NRG3: variants seen among roughly 807,000 people sequenced by gnomAD.
The protein encoded by NRG3 is neuregulin 3.
Under a neutral mutation model 66.9 loss-of-function variants are expected in NRG3, and 31 were observed. The ratio of observed to expected loss-of-function variants is 0.46; its 90% CI spans 0.35 to 0.63. The LOEUF is 0.63. Among genes scored for constraint, NRG3 ranks in the 20% least tolerant of loss-of-function variants. The pLI is 0.00. For missense variants in NRG3, 910 were observed against 878.9 expected, an observed-to-expected ratio of 1.04 and a Z score of -0.45; for synonymous variants, 393 against 359.4, an observed-to-expected ratio of 1.09 and a Z score of -1.06.
intron 2 of NRG3, among the ~76,000 whole-genome samples, chr10:82,497,815 C>T (rs751201194): frequency 1.1e-4 from 16 of 152,152 alleles, no homozygotes; most frequent in Non-Finnish European, 1.8e-4. Context: ...TAGGAGCACT[C>T]ATACTGCTTT....
chr10:82,543,426 T>C (rs1235360201), intron 2 of NRG3, among the ~76,000 whole-genome samples: 1 of 152,068 alleles, frequency 6.6e-6, no homozygotes, highest in African/African-American at 2.4e-5. Context: ...GATGAAAAAA[T>C]AAGTATTGCT....
At chr10:82,091,120 C>T (rs1590071905) in intron 1 of NRG3, among the ~76,000 whole-genome samples, 1 of 151,710 alleles carries the variant, frequency 6.6e-6, no homozygotes, top group Non-Finnish European at 1.5e-5. Context: ...TCTTCCATTT[C>T]ATTGTAACCT....
chr10:82,835,215 A>G (rs912290158), intron 3 of NRG3, among the ~76,000 whole-genome samples: 7 of 151,988 alleles, frequency 4.6e-5, no homozygotes, highest in African/African-American at 1.4e-4. Flanking sequence ...TTCAGCAAAC[A>G]CCTCTCAATC....
intron 5 of NRG3, among the ~76,000 whole-genome samples, chr10:82,952,728 T>G (rs1849661089): frequency 6.6e-6 from 1 of 151,868 alleles, no homozygotes; most frequent in African/African-American, 2.4e-5. Context: ...TTTGCTCTTC[T>G]AACATGGGAT....
chr10:82,959,484 T>C (rs1342668637), intron 6 of NRG3, among the ~76,000 whole-genome samples: 1 of 152,036 alleles, frequency 6.6e-6, no homozygotes, highest in Non-Finnish European at 1.5e-5. Flanking sequence ...TCCGAGATAG[T>C]TGTTGTTGCA....
At chr10:82,755,659 G>A (rs1318333669) in intron 3 of NRG3, among the ~76,000 whole-genome samples, 1 of 152,068 alleles carries the variant, frequency 6.6e-6, no homozygotes, top group East Asian at 1.9e-4. Flanking sequence ...GGAAATATTA[G>A]GAAACAGGAT....
chr10:82,222,998 T>C (rs1169092209), intron 1 of NRG3, among the ~76,000 whole-genome samples: 3 of 152,226 alleles, frequency 2.0e-5, no homozygotes, highest in Non-Finnish European at 4.4e-5. Context: ...TGTAACAAAA[T>C]TGAAATTTTC....
chr10:82,783,890 G>A (rs1275321739), intron 3 of NRG3, among the ~76,000 whole-genome samples: 24 of 152,016 alleles, frequency 1.6e-4, no homozygotes, highest in African/African-American at 4.3e-4. Flanking sequence ...AAAAGAGCCC[G>A]CATCGCCAAG....
chr10:82,430,745 G>A (rs373671143), intron 2 of NRG3, among the ~76,000 whole-genome samples: 3 of 152,170 alleles, frequency 2.0e-5, no homozygotes, highest in East Asian at 3.9e-4. Flanking sequence ...AACTACTAAA[G>A]TATTTACTGG....
intron 2 of NRG3, among the ~76,000 whole-genome samples, chr10:82,391,993 C>CAAAAAAAAAAAAAAAAA (rs775895969): frequency 2.6e-5 from 1 of 38,900 alleles, no homozygotes. Flanking sequence ...CGAGCACATG[C>CAAAAAAAAAAAAAAAAA]AAAAAAAAAA....
intron 1 of NRG3, among the ~76,000 whole-genome samples, chr10:82,146,293 G>A (rs1455568529): frequency 6.6e-6 from 1 of 152,042 alleles, no homozygotes; most frequent in Non-Finnish European, 1.5e-5. Context: ...CAATATTTTA[G>A]TATTTGTCTT....
chr10:82,152,589 A>G (rs1437793302), intron 1 of NRG3, among the ~76,000 whole-genome samples: 2 of 152,054 alleles, frequency 1.3e-5, no homozygotes, highest in African/African-American at 4.8e-5. Context: ...TAGTTTTGCC[A>G]GTTGCGGAAC....
intron 1 of NRG3, among the ~76,000 whole-genome samples, chr10:82,248,557 A>G (rs2077349852): frequency 6.6e-6 from 1 of 152,108 alleles, no homozygotes; most frequent in Non-Finnish European, 1.5e-5. Context: ...TTATTGGTGA[A>G]GTGGGGATAA....
intron 2 of NRG3, among the ~76,000 whole-genome samples, chr10:82,459,720 A>G (rs995042024): frequency 3.9e-5 from 6 of 152,322 alleles, no homozygotes; most frequent in Non-Finnish European, 8.8e-5. Flanking sequence ...TCACCTAAAA[A>G]TAACAAGCAT....
At chr10:82,889,266 T>TGA (rs535562583) in intron 4 of NRG3, among the ~76,000 whole-genome samples, 2 of 152,042 alleles carry the variant, frequency 1.3e-5, no homozygotes, top group Non-Finnish European at 2.9e-5. Context: ...GAATCTATAC[T>TGA]GAGAGAGAGT....
intron 2 of NRG3, among the ~76,000 whole-genome samples, chr10:82,383,802 T>C (rs1341701404): frequency 1.3e-5 from 2 of 152,060 alleles, no homozygotes; most frequent in South Asian, 4.2e-4. Context: ...ATTTTCACAA[T>C]GGTTAAATAA....
At chr10:82,239,965 C>T (rs2076935232) in intron 1 of NRG3, among the ~76,000 whole-genome samples, 1 of 152,052 alleles carries the variant, frequency 6.6e-6, no homozygotes, top group East Asian at 1.9e-4. Flanking sequence ...TAACGCCTTT[C>T]CCATAATAGA....
rs72829310 is a variant in NRG3, at chr10:82,431,593, C to G, written c.953+72725C>G. Among the ~76,000 whole-genome samples the G allele has an allele frequency of 5.1e-3, 777 of 152,186 alleles. 3 individuals carry two copies. The highest frequency in any genetic ancestry group is 9.1e-3 in the Non-Finnish European group (619 of 68,008). On this transcript the variant is annotated intron_variant, in intron 2 of 8. Transcript: ENST00000372141. The stretch of plus-strand genomic sequence containing the variant: ...GAGTAGGTTTTCAAATGTCCCTATT[C>G]CACTATTCGGAAAGTGCTTTCAAGT...
intron 4 of NRG3, among the ~76,000 whole-genome samples, chr10:82,875,370 T>G (rs1392180603): frequency 6.6e-6 from 1 of 152,174 alleles, no homozygotes; most frequent in Non-Finnish European, 1.5e-5. Context: ...CTATTTTTTA[T>G]TTTTCAAGGC....
Sources: gnomAD v4.1 joint callset for allele counts (sites outside exome capture counted in the v4.1 genomes callset) on GRCh38, gnomAD v4.1.1 for gene constraint, MANE v1.5 for transcripts, NCBI Gene and HGNC (gene_info 2026-07-23, HGNC 2026-07-21) for gene names.